Variants in RBFOX1 observed in about 807,000 individuals in gnomAD.
RBFOX1 encodes the protein RNA binding fox-1 homolog 1, also known as RNA binding protein fox-1 homolog 1.
RBFOX1 carries 8 observed loss-of-function variants against 57.7 expected under a neutral mutation model. The ratio of observed to expected loss-of-function variants is 0.14; its 90% CI spans 0.08 to 0.25. The LOEUF (loss-of-function observed/expected upper bound fraction) is 0.25. RBFOX1 is among the 10% of genes least tolerant of loss of function. The probability of loss-of-function intolerance (pLI) is 1.00; values close to 1 mark genes in which losing one functional copy is unlikely to be tolerated. For synonymous variants in RBFOX1, 326 were observed against 222.4 expected (o/e 1.47, Z -4.15); for missense variants, 611 against 548.5 (o/e 1.11, Z -1.14).
intron 4 of RBFOX1, among the ~76,000 whole-genome samples, chr16:7,170,098 T>A (rs1208298614): frequency 6.6e-6 from 1 of 151,998 alleles, no homozygotes; most frequent in African/African-American, 2.4e-5. Context: ...AATAAATAAG[T>A]ATTTGGTGTA....
intron 10 of RBFOX1, among the ~76,000 whole-genome samples, chr16:7,608,030 C>T (rs939529185): frequency 1.3e-5 from 2 of 152,182 alleles, no homozygotes; most frequent in South Asian, 2.1e-4. Context: ...CGGCTTGGCC[C>T]GTCACTACTG....
At chr16:6,617,647 C>T (rs1384167390) in intron 2 of RBFOX1, among the ~76,000 whole-genome samples, 1 of 152,084 alleles carries the variant, frequency 6.6e-6, no homozygotes, top group South Asian at 2.1e-4. Flanking sequence ...GTGTCAGAGC[C>T]CATCACAGGC....
intron 2 of RBFOX1, among the ~76,000 whole-genome samples, chr16:6,528,429 A>G (rs1234166765): frequency 6.6e-6 from 1 of 152,200 alleles, no homozygotes; most frequent in Non-Finnish European, 1.5e-5. Flanking sequence ...AGCCAATAAA[A>G]CATGACCTTG....
At chr16:7,481,872 A>T (rs1222411235) in intron 4 of RBFOX1, among the ~76,000 whole-genome samples, 1 of 152,212 alleles carries the variant, frequency 6.6e-6, no homozygotes, top group Non-Finnish European at 1.5e-5. Flanking sequence ...CAAACCATCT[A>T]ACACAGAGGC....
intron 3 of RBFOX1, among the ~76,000 whole-genome samples, chr16:6,861,211 G>A (rs1032845647): frequency 6.6e-6 from 1 of 152,074 alleles, no homozygotes. Flanking sequence ...TACAGTTACC[G>A]CTGTGTCTGT....
chr16:6,159,337 A>G (rs1000158874), intron 1 of RBFOX1, among the ~76,000 whole-genome samples: 1 of 152,120 alleles, frequency 6.6e-6, no homozygotes, highest in Non-Finnish European at 1.5e-5. Flanking sequence ...TCGGCCTCCC[A>G]AAGTGCTGGG....
At chr16:5,569,705 G>A (rs7200539) in intron 2 of RBFOX1, among the ~76,000 whole-genome samples, 66,006 of 151,304 alleles carry the variant, frequency 0.44, 14,590 homozygotes, top group East Asian at 0.53. Context: ...GGTAGAGTGG[G>A]GAGTATTCAG....
chr16:5,285,838 C>G (rs926788114), intron 1 of RBFOX1, among the ~76,000 whole-genome samples: 2 of 152,150 alleles, frequency 1.3e-5, no homozygotes, highest in Admixed American at 6.5e-5. Flanking sequence ...GTGACATAAT[C>G]TCAGCTCACT....
intron 2 of RBFOX1, among the ~76,000 whole-genome samples, chr16:6,580,669 A>G (rs2097524629): frequency 6.6e-6 from 1 of 152,202 alleles, no homozygotes; most frequent in South Asian, 2.1e-4. Context: ...GTAAACTCAG[A>G]CATAAACCTG....
intron 3 of RBFOX1, among the ~76,000 whole-genome samples, chr16:5,606,808 G>C (rs2047598770): frequency 6.7e-6 from 1 of 148,606 alleles, no homozygotes; most frequent in African/African-American, 2.6e-5. Context: ...GCAGGAGATG[G>C]GGGGCTCCAG....
intron 5 of RBFOX1, among the ~76,000 whole-genome samples, chr16:7,542,977 A>G (rs1175122573): frequency 1.3e-5 from 2 of 152,184 alleles, no homozygotes; most frequent in African/African-American, 4.8e-5. Context: ...AGGTACTGAC[A>G]TTTGAGGCTG....
intron 3 of RBFOX1, among the ~76,000 whole-genome samples, chr16:6,847,441 C>T (rs2093816308): frequency 6.6e-6 from 1 of 152,054 alleles, no homozygotes; most frequent in African/African-American, 2.4e-5. Context: ...GCTCTGTCAT[C>T]ATCTTCACAG....
In RBFOX1 at chr16:6,095,006, C is replaced by G. The variant is rs114298484; in HGVS notation, c.-127+75014C>G. On this transcript the variant is annotated intron_variant, in intron 1 of 15. Transcript: ENST00000550418. ...ACCCGGGAGGCAAAGTTTGCAGTGA[C>G]TTGAGATGGCACCACTGCACTCCAG... is the stretch of plus-strand genomic sequence containing the variant. Among the ~76,000 whole-genome samples the G allele has an allele frequency of 3.8e-3, 580 of 152,210 alleles. 6 individuals are homozygous for G. Among genetic ancestry groups the G allele is most frequent in the African/African-American group, 0.013 (544 of 41,530 alleles).
rs151100754 is a variant in RBFOX1, at chr16:7,092,079, C to T, written c.27+39981C>T. On this transcript the variant is annotated intron_variant, in intron 4 of 15. Coordinates refer to ENST00000550418, the MANE Select transcript of RBFOX1 (RefSeq NM_018723.4). ...CTAGCACCTAAGATATATGCTGGAA[C>T]ACTGGTTAAACTCTTAAAGATATTT... 2.2e-3 allele frequency among the ~76,000 whole-genome samples: 334 copies of T among 152,264 alleles called. 2 individuals carry two copies. The highest frequency in any genetic ancestry group is 7.8e-3 in the African/African-American group (322 of 41,546).
intron 4 of RBFOX1, among the ~76,000 whole-genome samples, chr16:7,073,884 G>C (rs554908298): frequency 2.7e-5 from 4 of 149,100 alleles, no homozygotes; most frequent in African/African-American, 4.9e-5. Context: ...ATAAATACTA[G>C]ATGTGTAGAA....
In RBFOX1 at chr16:6,956,701, G is replaced by T. The variant is rs142061429; in HGVS notation, c.-15-95356G>T. ...GCATCATATCAAAGGCATTTGCTCT[G>T]CTTAATGCCTTTAGAAAACAATTTA... is the stretch of plus-strand genomic sequence containing the variant. On this transcript the variant is annotated intron_variant, in intron 3 of 15. Transcript: ENST00000550418. Among the ~76,000 whole-genome samples the T allele has an allele frequency of 5.6e-3, 847 of 152,258 alleles. 7 individuals are homozygous for T. Among genetic ancestry groups the T allele is most frequent in the African/African-American group, 0.019 (790 of 41,550 alleles).
chr16:5,386,484 G>A (rs1306801975), intron 1 of RBFOX1, among the ~76,000 whole-genome samples: 1 of 152,068 alleles, frequency 6.6e-6, no homozygotes, highest in Non-Finnish European at 1.5e-5. Flanking sequence ...TCATATTCCC[G>A]ATATTTTCTG....
At chr16:5,377,346 C>G (rs1274157276) in intron 1 of RBFOX1, among the ~76,000 whole-genome samples, 1 of 151,198 alleles carries the variant, frequency 6.6e-6, no homozygotes, top group Non-Finnish European at 1.5e-5. Flanking sequence ...CAAGAAAGCC[C>G]CCTTGAGATG....
intron 2 of RBFOX1, among the ~76,000 whole-genome samples, chr16:6,460,192 C>T (rs73540070): frequency 0.018 from 2,781 of 151,960 alleles, 71 homozygotes; most frequent in East Asian, 0.09. Context: ...AAGGTGTCAG[C>T]AGGATTGGTT....
Sources: gnomAD v4.1 joint callset for allele counts (sites outside exome capture counted in the v4.1 genomes callset) on GRCh38, gnomAD v4.1.1 for gene constraint, MANE v1.5 for transcripts, NCBI Gene and HGNC (gene_info 2026-07-23, HGNC 2026-07-21) for gene names.